The following ARL13B variants were observed in gnomAD, a reference collection of about 807,000 sequenced individuals.
ARL13B encodes the protein ADP-ribosylation factor-like protein 13B.
Under a neutral mutation model 56.1 loss-of-function variants are expected in ARL13B, and 36 were observed. The ratio of observed to expected loss-of-function variants is 0.64; its 90% confidence interval spans 0.49 to 0.85. The LOEUF (loss-of-function observed/expected upper bound fraction) is 0.85. Among genes scored for constraint, ARL13B ranks in the 40% least tolerant of loss-of-function variants. ARL13B has a pLI of 0.00. For synonymous variants in ARL13B, 178 were observed against 171.1 expected (o/e 1.04, Z -0.32); for missense variants, 519 against 507.1 (o/e 1.02, Z -0.23).
At chr3:94,012,370 AC>A (rs1302984362) in intron 3 of ARL13B, among the ~76,000 whole-genome samples, 1 of 152,100 alleles carries the variant, frequency 6.6e-6, no homozygotes, top group Non-Finnish European at 1.5e-5. Context: ...CAATTCTGAA[AC>A]CTTCGTCTCT....
intron 3 of ARL13B, 30 bp downstream of exon 3, chr3:94,003,938 A>G (rs2076093438): frequency 6.2e-7 from 1 of 1,612,090 alleles, no homozygotes; most frequent in South Asian, 1.1e-5. Flanking sequence ...TTGTAAATGT[A>G]GGGACGATGG....
In ARL13B at chr3:94,055,089, T is replaced by C. The variant is rs548945864; in HGVS notation, c.*1826T>C. On this transcript the variant is annotated 3_prime_UTR_variant, in exon 10 of 10. Coordinates refer to ENST00000394222, the MANE Select transcript of ARL13B (RefSeq NM_001174150.2). ...AATGATTTTGAAATTAAATATAATA[T>C]AGAATTCACATTTTATATAGCTCTC... 7.3e-5 allele frequency: 27 copies of C among 370,444 alleles called. No individual in the cohort carries two copies. The East Asian group carries it at 1.1e-3, about 15-fold the overall frequency. 22.9% of individuals were successfully genotyped at this position (370,444 alleles called of 1,614,324 possible).
Position 94,053,939 on chromosome 3 carries a change from T to C in ARL13B, c.*676T>C, listed in dbSNP as rs1438700964. 3.0e-6 allele frequency: 1 copy of C among 328,092 alleles called. No homozygotes were observed. The highest frequency in any genetic ancestry group is 5.9e-6 in the Non-Finnish European group (1 of 168,548). The allele number at this position is 328,092 out of a possible 1,614,324, so 20.3% of individuals were successfully genotyped here. On this transcript the variant is annotated 3_prime_UTR_variant, in exon 10 of 10. Transcript: ENST00000394222. ...ATTTAAAAATAATATATTTTCGAAG[T>C]AGTAGATTCTCAGATCTTTATTCTA... is the stretch of plus-strand genomic sequence containing the variant.
At chr3:94,026,229 C>G (rs553848634) in intron 3 of ARL13B, among the ~76,000 whole-genome samples, 1 of 152,226 alleles carries the variant, frequency 6.6e-6, no homozygotes, top group Admixed American at 6.5e-5. Context: ...CCGTGTGAGC[C>G]AGGAGAAAAC....
Position 94,053,180 on chromosome 3 carries a change from TTC to T in ARL13B, c.1211-5_1211-4del. The T allele has an allele frequency of 6.2e-7, 1 of 1,609,862 alleles. No homozygotes were observed. The highest frequency in any genetic ancestry group is 8.5e-7 in the Non-Finnish European group (1 of 1,179,112). ...TTTTGTGCATTTGGTTTTCTTTCTT[TTC>T]TTAGATTTCTATAGGAAGCCACTGC... On this transcript the variant is annotated splice_region_variant and splice_polypyrimidine_tract_variant and intron_variant, in intron 9 of 9. Coordinates refer to ENST00000394222, the MANE Select transcript of ARL13B (RefSeq NM_001174150.2).
At chr3:94,050,235 A>T (rs1262615524) in intron 8 of ARL13B, among the ~76,000 whole-genome samples, 1 of 151,838 alleles carries the variant, frequency 6.6e-6, no homozygotes, top group Non-Finnish European at 1.5e-5. Flanking sequence ...AGATGTATTA[A>T]TTTTTTCTAA....
intron 2 of ARL13B, among the ~76,000 whole-genome samples, chr3:94,001,818 C>T (rs2076060251): frequency 6.6e-6 from 1 of 152,152 alleles, no homozygotes; most frequent in East Asian, 1.9e-4. Context: ...TCTATTCATA[C>T]TGAAAGACAG....
intron 1 of ARL13B, among the ~76,000 whole-genome samples, chr3:93,990,453 T>A (rs896408492): frequency 3.3e-5 from 5 of 152,230 alleles, no homozygotes; most frequent in African/African-American, 1.2e-4. Flanking sequence ...ATTTCATTTA[T>A]GTTGTATATA....
At chr3:93,980,709 G>T (rs1210477749) in intron 1 of ARL13B, among the ~76,000 whole-genome samples, 1 of 150,584 alleles carries the variant, frequency 6.6e-6, no homozygotes, top group Non-Finnish European at 1.5e-5. Context: ...TTTTAAATAG[G>T]TTTGAATTTG....
At chr3:93,993,366 A>G (rs554181268) in intron 1 of ARL13B, among the ~76,000 whole-genome samples, 68 of 152,142 alleles carry the variant, frequency 4.5e-4, no homozygotes, top group Non-Finnish European at 9.1e-4. Flanking sequence ...GCTCAAAGTG[A>G]TCTGCCCACC....
chr3:94,039,710 G>A (rs1331195872), intron 5 of ARL13B, among the ~76,000 whole-genome samples, 170 bp from the exon 6 acceptor site: 1 of 151,984 alleles, frequency 6.6e-6, no homozygotes, highest in East Asian at 1.9e-4. Flanking sequence ...TACATGGGAG[G>A]AAGCAGCCTC....
At chr3:94,029,301 C>CAT (rs1242349606) in intron 3 of ARL13B, among the ~76,000 whole-genome samples, 4,248 of 76,986 alleles carry the variant, frequency 0.055, 117 homozygotes, top group East Asian at 0.091. Flanking sequence ...CTATCAAAAT[C>CAT]ATATATATAT....
At chr3:93,980,654 C>G (rs915258034) in intron 1 of ARL13B, among the ~76,000 whole-genome samples, 172 bp downstream of exon 1, 2 of 152,006 alleles carry the variant, frequency 1.3e-5, no homozygotes, top group African/African-American at 4.8e-5. Flanking sequence ...GCCTTGTTGT[C>G]TGGTCGACTT....
chr3:94,044,062 T>G (rs1222114335), intron 7 of ARL13B, among the ~76,000 whole-genome samples: 1 of 152,106 alleles, frequency 6.6e-6, no homozygotes, highest in African/African-American at 2.4e-5. Flanking sequence ...GATTACAGCC[T>G]CTGCCTGCCC....
chr3:94,013,490 A>G (rs997787258), intron 3 of ARL13B, among the ~76,000 whole-genome samples: 5 of 152,222 alleles, frequency 3.3e-5, no homozygotes, highest in Non-Finnish European at 7.3e-5. Context: ...TCTGTAATAC[A>G]TTGCCCTGTA....
chr3:94,010,984 A>G (rs2076215094), intron 3 of ARL13B, among the ~76,000 whole-genome samples: 1 of 152,068 alleles, frequency 6.6e-6, no homozygotes, highest in Non-Finnish European at 1.5e-5. Flanking sequence ...TGTGGAGTTT[A>G]TCATCTTTTA....
intron 7 of ARL13B, among the ~76,000 whole-genome samples, chr3:94,048,739 A>G (rs937515281): frequency 1.4e-4 from 22 of 152,004 alleles, no homozygotes; most frequent in African/African-American, 5.3e-4. Context: ...CTACAGGCAC[A>G]TGAAAACAAA....
intron 2 of ARL13B, among the ~76,000 whole-genome samples, chr3:94,001,992 G>A (rs1183978348): frequency 6.6e-6 from 1 of 152,092 alleles, no homozygotes; most frequent in African/African-American, 2.4e-5. Context: ...ACTTGTAGTG[G>A]CTCTTAACTT....
At position 94,054,655 on chromosome 3, in the gene ARL13B, C is replaced by A. The variant is rs1408846574; in HGVS notation, c.*1392C>A. The A allele has an allele frequency of 2.6e-6, 1 of 380,248 alleles. No individual in the cohort carries two copies. The highest frequency in any genetic ancestry group is 7.9e-5 in the East Asian group (1 of 12,696). 23.6% of individuals were successfully genotyped at this position (380,248 alleles called of 1,614,324 possible). A position where few individuals can be genotyped will look rare whatever the true frequency, so the allele number is the denominator to read the frequency against. On this transcript the variant is annotated 3_prime_UTR_variant, in exon 10 of 10. Coordinates refer to ENST00000394222, the MANE Select transcript of ARL13B (RefSeq NM_001174150.2). Reference sequence around the variant, plus strand: ...ATTATTTACTTTAAAAATTGTACTTCAGAACATCAGATTTTATTCACATTT... The same window carrying A: ...ATTATTTACTTTAAAAATTGTACTTAAGAACATCAGATTTTATTCACATTT...
Sources: gnomAD v4.1 joint callset for allele counts (sites outside exome capture counted in the v4.1 genomes callset) on GRCh38, gnomAD v4.1.1 for gene constraint, MANE v1.5 for transcripts, NCBI Gene and HGNC (gene_info 2026-07-23, HGNC 2026-07-21) for gene names.